Variants in SLC9C1 observed in about 807,000 individuals in gnomAD.
SLC9C1 encodes solute carrier family 9 member C1.
Under a neutral mutation model 140.9 loss-of-function variants are expected in SLC9C1, and 97 were observed. The observed-to-expected ratio is 0.69, with a 90% confidence interval of 0.58 to 0.82. The LOEUF (loss-of-function observed/expected upper bound fraction) is 0.82. Ranked by LOEUF, SLC9C1 falls within the 40% of genes least tolerant of loss-of-function variation. The pLI is 0.00. For synonymous variants in SLC9C1, 440 were observed against 442.6 expected (o/e 0.99, Z 0.07); for missense variants, 1,340 against 1,389.3 (o/e 0.96, Z 0.56).
chr3:112,160,445 G>A (rs989958097), intron 26 of SLC9C1, among the ~76,000 whole-genome samples: 2 of 115,758 alleles, frequency 1.7e-5, no homozygotes, highest in Non-Finnish European at 3.3e-5. Context: ...ACAGTCCCCA[G>A]AGTGTGATGT....
chr3:112,222,508 CA>C (rs755321203), intron 13 of SLC9C1, among the ~76,000 whole-genome samples: 49 of 151,932 alleles, frequency 3.2e-4, no homozygotes, highest in Admixed American at 1.8e-3. Flanking sequence ...GGCAATAAAT[CA>C]AAAAGGTACA....
intron 26 of SLC9C1, among the ~76,000 whole-genome samples, chr3:112,160,886 A>G (rs1358613446): frequency 1.3e-5 from 2 of 152,148 alleles, no homozygotes; most frequent in Non-Finnish European, 2.9e-5. Context: ...AGTCCCACCA[A>G]CAGTGCAAAA....
At chr3:112,235,943 G>A (rs564827091) in intron 12 of SLC9C1, among the ~76,000 whole-genome samples, 1 of 152,098 alleles carries the variant, frequency 6.6e-6, no homozygotes, top group Admixed American at 6.6e-5. Flanking sequence ...TTTTTGTTGT[G>A]TCTCTGCCAG....
chr3:112,151,952 G>C lies in SLC9C1; in HGVS notation c.3429C>G (p.His1143Gln), dbSNP rs200185816. The change falls in exon 28 of 29, where the codon CAC becomes CAG. Residue 1143 changes from histidine to glutamine, a missense_variant. His to Gln is a conservative substitution (Grantham distance 24). Transcript: ENST00000305815. ...GGGGACTCCTGGCAGTGGCGGCACT[G>C]TGTGCTCCATCCTGGGATTCAAAAC... is the stretch of plus-strand genomic sequence containing the variant. ...EERNVKEDGA[H>Q]SAATARSPQP... The C allele has an allele frequency of 3.6e-5, 58 of 1,593,898 alleles. No individual in the cohort carries two copies. The highest frequency in any genetic ancestry group is 4.9e-5 in the Non-Finnish European group (57 of 1,174,440).
intron 28 of SLC9C1, among the ~76,000 whole-genome samples, chr3:112,146,646 A>G (rs904854465): frequency 6.6e-6 from 1 of 152,096 alleles, no homozygotes; most frequent in Non-Finnish European, 1.5e-5. Context: ...ATTCATTTCT[A>G]TTTTTATTCC....
At chr3:112,211,269 T>C (rs944973207) in intron 15 of SLC9C1, among the ~76,000 whole-genome samples, 1 of 152,148 alleles carries the variant, frequency 6.6e-6, no homozygotes, top group Non-Finnish European at 1.5e-5. Flanking sequence ...AGTCTACAGC[T>C]CCCAACATGA....
chr3:112,175,466 T>C (rs2077319289), intron 23 of SLC9C1, among the ~76,000 whole-genome samples: 1 of 152,180 alleles, frequency 6.6e-6, no homozygotes, highest in South Asian at 2.1e-4. Context: ...TGGCCATGTT[T>C]TCATAGAGCA....
At chr3:112,192,063 C>T (rs1056404307) in intron 20 of SLC9C1, among the ~76,000 whole-genome samples, 1 of 116,100 alleles carries the variant, frequency 8.6e-6, no homozygotes. Context: ...TGTTTTTTTC[C>T]ATTTTTTTTT....
At chr3:112,206,681 A>C (rs1361665911) in intron 16 of SLC9C1, among the ~76,000 whole-genome samples, 4 of 152,110 alleles carry the variant, frequency 2.6e-5, no homozygotes, top group Non-Finnish European at 5.9e-5. Flanking sequence ...GGATGGGTTC[A>C]TGTCCTTTGT....
intron 17 of SLC9C1, among the ~76,000 whole-genome samples, chr3:112,202,723 G>A (rs1160055057): frequency 1.3e-5 from 2 of 151,894 alleles, no homozygotes; most frequent in Non-Finnish European, 2.9e-5. Flanking sequence ...TCTGTGCTTA[G>A]GTCATAAAAT....
chr3:112,246,249 A>G (rs1366508798), intron 10 of SLC9C1, among the ~76,000 whole-genome samples: 2 of 152,196 alleles, frequency 1.3e-5, no homozygotes, highest in Non-Finnish European at 2.9e-5. Context: ...CTGCTTAGCA[A>G]CCAGCATCAA....
intron 23 of SLC9C1, among the ~76,000 whole-genome samples, chr3:112,177,782 T>C (rs1199858175): frequency 2.0e-5 from 3 of 149,536 alleles, no homozygotes; most frequent in Admixed American, 2.0e-4. Flanking sequence ...TTTTATTAAG[T>C]TTTAGGGTTT....
chr3:112,149,618 A>G (rs997900168), intron 28 of SLC9C1, among the ~76,000 whole-genome samples: 1 of 151,458 alleles, frequency 6.6e-6, no homozygotes, highest in African/African-American at 2.4e-5. Flanking sequence ...GGAGGATGGC[A>G]TAGCTTAGGC....
chr3:112,209,073 C>T (rs1318325914), intron 15 of SLC9C1, among the ~76,000 whole-genome samples: 2 of 152,012 alleles, frequency 1.3e-5, no homozygotes, highest in Non-Finnish European at 2.9e-5. Flanking sequence ...TATAGTAATA[C>T]ACTATTGTTG....
At chr3:112,206,381 T>C (rs543253177) in intron 16 of SLC9C1, among the ~76,000 whole-genome samples, 1 of 151,904 alleles carries the variant, frequency 6.6e-6, no homozygotes, top group Admixed American at 6.6e-5. Context: ...ATAGGAACAG[T>C]TTTACACTGT....
At chr3:112,179,266 G>A (rs1560034715) in intron 23 of SLC9C1, among the ~76,000 whole-genome samples, 1 of 151,828 alleles carries the variant, frequency 6.6e-6, no homozygotes, top group Non-Finnish European at 1.5e-5. Flanking sequence ...ACATATGTTA[G>A]CCAATTTCCC....
At chr3:112,187,887 A>G (rs887838298) in intron 20 of SLC9C1, among the ~76,000 whole-genome samples, 9 of 152,060 alleles carry the variant, frequency 5.9e-5, no homozygotes, top group Non-Finnish European at 1.3e-4. Flanking sequence ...ACAAAATCTT[A>G]TAATTTTACA....
chr3:112,149,543 A>G (rs545029826), intron 28 of SLC9C1, among the ~76,000 whole-genome samples: 3 of 152,044 alleles, frequency 2.0e-5, no homozygotes, highest in Admixed American at 1.3e-4. Context: ...GGGTGCCCCA[A>G]ATGTCTGGAG....
At chr3:112,180,436 T>A (rs1013608238) in intron 22 of SLC9C1, 128 bp downstream of exon 22, 28 of 584,920 alleles carry the variant, frequency 4.8e-5, no homozygotes, top group African/African-American at 7.8e-5. Flanking sequence ...GGCAGGAGTA[T>A]CACTTGAACC....
Sources: allele counts gnomAD v4.1 joint callset (sites outside exome capture counted in the v4.1 genomes callset), GRCh38; gene constraint gnomAD v4.1.1; transcripts MANE v1.5; gene names NCBI Gene and HGNC (gene_info 2026-07-23, HGNC 2026-07-21).